Variants in KIAA1217 observed in about 807,000 individuals in gnomAD.
The protein encoded by KIAA1217 is KIAA1217.
KIAA1217 carries 88 observed loss-of-function variants against 163.9 expected under a neutral mutation model. The observed-to-expected ratio is 0.54, with a 90% CI of 0.45 to 0.64. The LOEUF is 0.64. Ranked by LOEUF, KIAA1217 falls within the 30% of genes least tolerant of loss-of-function variation. The pLI is 0.00. For synonymous variants in KIAA1217, 903 were observed against 923.1 expected (o/e 0.98, Z 0.39); for missense variants, 2,372 against 2,475.0 (o/e 0.96, Z 0.88).
At position 24,543,985 on chromosome 10, in the gene KIAA1217, A is replaced by T. The variant is rs368936784; in HGVS notation, c.4715A>T (p.Lys1572Met). 8 of 1,614,126 alleles carry T rather than the reference A, an allele frequency of 5.0e-6. No individual in the cohort carries two copies. In the South Asian group the frequency reaches 7.7e-5, roughly 16 times the overall value. ...GACCAGTTTGAAAGCCCCAAGAAAA[A>T]GTTTAAATTCAAATTCCCTAAGAAG... The part of the protein sequence containing the change: ...TDDQFESPKK[K>M]FKFKFPKKQL... The change falls in exon 19 of 21, where the codon AAG becomes ATG. Residue 1572 changes from lysine (K) to methionine (M), a missense_variant. Lys to Met is a moderately conservative substitution (Grantham distance 95). Transcript: ENST00000376454.
intron 1 of KIAA1217, among the ~76,000 whole-genome samples, chr10:23,768,289 G>T (rs1387775082): frequency 6.6e-6 from 1 of 150,810 alleles, no homozygotes; most frequent in Non-Finnish European, 1.5e-5. Context: ...CACCCCCAAT[G>T]CTGGACACAG....
At chr10:24,428,535 C>T (rs551962521) in intron 3 of KIAA1217, among the ~76,000 whole-genome samples, 7 of 152,134 alleles carry the variant, frequency 4.6e-5, no homozygotes, top group South Asian at 2.1e-4. Flanking sequence ...AAACCAAGGG[C>T]GAGGTTACTA....
intron 1 of KIAA1217, among the ~76,000 whole-genome samples, chr10:23,965,256 G>A (rs889199707): frequency 2.6e-5 from 4 of 152,196 alleles, no homozygotes; most frequent in Non-Finnish European, 4.4e-5. Context: ...GCTGCATCCG[G>A]AGGGCCTCTG....
intron 2 of KIAA1217, among the ~76,000 whole-genome samples, chr10:24,279,282 T>G (rs116770197): frequency 0.07 from 10,609 of 151,512 alleles, 419 homozygotes; most frequent in African/African-American, 0.086. Flanking sequence ...TTGTTTGTTT[T>G]TTTTTTTAAA....
chr10:24,426,615 ACT>A (rs202198264), intron 3 of KIAA1217, among the ~76,000 whole-genome samples: 2,859 of 152,062 alleles, frequency 0.019, 92 homozygotes, highest in African/African-American at 0.065. Context: ...ACAGAGCGAG[ACT>A]CTGTCTGAAA....
chr10:23,806,016 A>AG (rs1836722615), intron 1 of KIAA1217, among the ~76,000 whole-genome samples: 2 of 150,452 alleles, frequency 1.3e-5, no homozygotes, highest in African/African-American at 4.9e-5. Flanking sequence ...AAAAAAAAAA[A>AG]AAAAAAAAGA....
intron 2 of KIAA1217, among the ~76,000 whole-genome samples, chr10:24,251,400 C>CAAAAAAAAAAAAAAAAAAAACAA (rs2074500669): frequency 1.1e-5 from 1 of 90,536 alleles, no homozygotes; most frequent in Non-Finnish European, 2.2e-5. Flanking sequence ...GACACTGTCT[C>CAAAAAAAAAAAAAAAAAAAACAA]AAAAAAAAAA....
At chr10:24,137,188 T>C (rs1310936071) in intron 2 of KIAA1217, among the ~76,000 whole-genome samples, 3 of 152,252 alleles carry the variant, frequency 2.0e-5, no homozygotes, top group African/African-American at 7.2e-5. Context: ...ATCATCATAT[T>C]GGAGACTACC....
intron 2 of KIAA1217, among the ~76,000 whole-genome samples, chr10:24,151,783 T>A (rs1158370799): frequency 6.6e-6 from 1 of 151,890 alleles, no homozygotes; most frequent in Admixed American, 6.6e-5. Flanking sequence ...TACATAGACT[T>A]AGGGGGAGGA....
At chr10:24,325,639 A>G (rs1478961060) in intron 2 of KIAA1217, among the ~76,000 whole-genome samples, 1 of 152,234 alleles carries the variant, frequency 6.6e-6, no homozygotes, top group Non-Finnish European at 1.5e-5. Flanking sequence ...GGTTGATCCT[A>G]TAATAACCGA....
chr10:24,277,823 A>G (rs879812187), intron 2 of KIAA1217, among the ~76,000 whole-genome samples: 2 of 152,166 alleles, frequency 1.3e-5, no homozygotes, highest in Non-Finnish European at 2.9e-5. Context: ...GCAGCATGAG[A>G]ATGGCCTAAT....
chr10:24,259,187 G>T (rs1340425602), intron 2 of KIAA1217, among the ~76,000 whole-genome samples: 2 of 151,976 alleles, frequency 1.3e-5, no homozygotes, highest in Non-Finnish European at 2.9e-5. Context: ...GTTTGTGAGC[G>T]TGTCTACTCA....
chr10:24,487,963 A>G (rs1372022672), intron 6 of KIAA1217, among the ~76,000 whole-genome samples: 1 of 152,230 alleles, frequency 6.6e-6, no homozygotes, highest in Non-Finnish European at 1.5e-5. Flanking sequence ...AGTTGGGATA[A>G]TGTTGAAAGT....
chr10:24,062,495 T>C (rs2060766708), intron 2 of KIAA1217, among the ~76,000 whole-genome samples: 1 of 151,518 alleles, frequency 6.6e-6, no homozygotes, highest in Non-Finnish European at 1.5e-5. Context: ...TGCATAGTAT[T>C]CCATGGTGTA....
chr10:24,017,858 A>G (rs1490196371), intron 2 of KIAA1217, among the ~76,000 whole-genome samples: 1 of 152,128 alleles, frequency 6.6e-6, no homozygotes, highest in African/African-American at 2.4e-5. Flanking sequence ...AACAACATAC[A>G]TTGAAAGCAA....
chr10:24,229,236 G>T (rs1449492926), intron 2 of KIAA1217, among the ~76,000 whole-genome samples: 5 of 152,196 alleles, frequency 3.3e-5, no homozygotes, highest in Non-Finnish European at 7.3e-5. Flanking sequence ...TCAGTAAGTC[G>T]CAGCCTTTGG....
chr10:24,230,462 C>T (rs1439819088), intron 2 of KIAA1217, among the ~76,000 whole-genome samples: 1 of 149,902 alleles, frequency 6.7e-6, no homozygotes, highest in Non-Finnish European at 1.5e-5. Flanking sequence ...GTAGTCCATC[C>T]TCTCTACAAC....
intron 1 of KIAA1217, among the ~76,000 whole-genome samples, chr10:23,889,472 C>A (rs1465613831): frequency 6.6e-6 from 1 of 151,754 alleles, no homozygotes; most frequent in Non-Finnish European, 1.5e-5. Context: ...CATCTTTTCC[C>A]CATTTATCAG....
At chr10:24,131,533 A>C (rs2063652073) in intron 2 of KIAA1217, among the ~76,000 whole-genome samples, 1 of 152,224 alleles carries the variant, frequency 6.6e-6, no homozygotes, top group African/African-American at 2.4e-5. Context: ...CCTGAACTGC[A>C]GCCCTTTGGA....
Sources: allele counts gnomAD v4.1 joint callset (sites outside exome capture counted in the v4.1 genomes callset), GRCh38; gene constraint gnomAD v4.1.1; transcripts MANE v1.5; gene names NCBI Gene and HGNC (gene_info 2026-07-23, HGNC 2026-07-21).